Variants in SLC24A3 observed in about 807,000 individuals in gnomAD.
SLC24A3 encodes solute carrier family 24 member 3, also known as sodium/potassium/calcium exchanger 3.
A neutral mutation model predicts 75.8 loss-of-function variants in SLC24A3; 28 were observed. The ratio of observed to expected loss-of-function variants is 0.37; its 90% CI spans 0.27 to 0.51. The LOEUF (loss-of-function observed/expected upper bound fraction) is 0.51. Ranked by LOEUF, SLC24A3 falls within the 20% of genes least tolerant of loss-of-function variation. SLC24A3 has a pLI of 0.94. For synonymous variants in SLC24A3, 372 were observed against 334.1 expected (o/e 1.11, Z -1.24); for missense variants, 663 against 847.8 (o/e 0.78, Z 2.71).
chr20:19,533,407 A>C (rs1242384476), intron 3 of SLC24A3, among the ~76,000 whole-genome samples: 1 of 152,210 alleles, frequency 6.6e-6, no homozygotes, highest in African/African-American at 2.4e-5. Context: ...GCCCAGATGT[A>C]AGAGGAGTTG....
intron 6 of SLC24A3, among the ~76,000 whole-genome samples, chr20:19,640,530 AG>A (rs2032064435): frequency 6.6e-6 from 1 of 152,184 alleles, no homozygotes; most frequent in African/African-American, 2.4e-5. Context: ...AGGGCAGATC[AG>A]TTGAGGTCAG....
intron 3 of SLC24A3, among the ~76,000 whole-genome samples, chr20:19,525,979 C>T (rs1448190802): frequency 6.6e-6 from 1 of 152,084 alleles, no homozygotes; most frequent in Non-Finnish European, 1.5e-5. Context: ...TGAACGAACT[C>T]GGAGGTAGGG....
chr20:19,493,918 A>C (rs1432756633), intron 2 of SLC24A3, among the ~76,000 whole-genome samples: 1 of 152,152 alleles, frequency 6.6e-6, no homozygotes, highest in Admixed American at 6.5e-5. Flanking sequence ...TTGGAGGGAA[A>C]TGCTCTCTCT....
At chr20:19,367,643 T>C (rs1192877567) in intron 2 of SLC24A3, among the ~76,000 whole-genome samples, 1 of 152,164 alleles carries the variant, frequency 6.6e-6, no homozygotes, top group Non-Finnish European at 1.5e-5. Context: ...CTGTTTACCG[T>C]CTACTAAGCC....
chr20:19,610,861 G>A (rs2031662316), intron 6 of SLC24A3, among the ~76,000 whole-genome samples: 1 of 152,202 alleles, frequency 6.6e-6, no homozygotes, highest in Non-Finnish European at 1.5e-5. Context: ...GCCATGTGAG[G>A]GCAGAGTGGG....
chr20:19,660,333 G>A (rs892526870), intron 7 of SLC24A3, among the ~76,000 whole-genome samples: 12 of 150,040 alleles, frequency 8.0e-5, no homozygotes, highest in African/African-American at 3.0e-4. Context: ...CCACCACGCT[G>A]TATGCCTTTG....
chr20:19,436,259 G>T (rs1453268569), intron 2 of SLC24A3, among the ~76,000 whole-genome samples: 6 of 152,090 alleles, frequency 3.9e-5, no homozygotes, highest in Non-Finnish European at 7.4e-5. Context: ...TTTTTCAACG[G>T]TTGGGAATAC....
chr20:19,617,186 T>C (rs1291132763), intron 6 of SLC24A3, among the ~76,000 whole-genome samples: 1 of 152,194 alleles, frequency 6.6e-6, no homozygotes, highest in Non-Finnish European at 1.5e-5. Flanking sequence ...GCAGATCCTT[T>C]CAATTCATTT....
At chr20:19,659,857 C>A (rs2032307036) in intron 7 of SLC24A3, among the ~76,000 whole-genome samples, 1 of 152,164 alleles carries the variant, frequency 6.6e-6, no homozygotes, top group Non-Finnish European at 1.5e-5. Flanking sequence ...CCTTCACTTA[C>A]TTTGTGGTCT....
chr20:19,382,500 G>T (rs1986199756), intron 2 of SLC24A3, among the ~76,000 whole-genome samples: 1 of 152,084 alleles, frequency 6.6e-6, no homozygotes, highest in Non-Finnish European at 1.5e-5. Context: ...TGTTATCTTT[G>T]TTCCAGGGGC....
intron 2 of SLC24A3, among the ~76,000 whole-genome samples, chr20:19,398,196 T>G (rs1289059483): frequency 6.6e-6 from 1 of 152,150 alleles, no homozygotes; most frequent in East Asian, 1.9e-4. Context: ...TCTGTAACTT[T>G]TTTCTTCTTC....
chr20:19,705,515 G>T (rs1264640810), intron 15 of SLC24A3, among the ~76,000 whole-genome samples: 1 of 152,176 alleles, frequency 6.6e-6, no homozygotes. Context: ...ATTTTGATCT[G>T]CCCTCTTCTC....
chr20:19,383,571 G>C (rs1019547821), intron 2 of SLC24A3, among the ~76,000 whole-genome samples: 2 of 152,142 alleles, frequency 1.3e-5, no homozygotes, highest in Non-Finnish European at 2.9e-5. Flanking sequence ...AGAGGACTGA[G>C]GAATGTGGGG....
chr20:19,412,942 A>G (rs1193491760), intron 2 of SLC24A3, among the ~76,000 whole-genome samples: 1 of 152,188 alleles, frequency 6.6e-6, no homozygotes, highest in Non-Finnish European at 1.5e-5. Flanking sequence ...TATAAAAGAT[A>G]GTTCAAAGTG....
At chr20:19,511,761 T>G (rs921268650) in intron 2 of SLC24A3, among the ~76,000 whole-genome samples, 1 of 152,188 alleles carries the variant, frequency 6.6e-6, no homozygotes, top group Non-Finnish European at 1.5e-5. Context: ...AAACCATTTT[T>G]CCAATTTTGT....
intron 1 of SLC24A3, among the ~76,000 whole-genome samples, chr20:19,232,941 A>G (rs1355984046): frequency 2.0e-5 from 3 of 152,342 alleles, no homozygotes; most frequent in South Asian, 4.1e-4. Context: ...GGAGCTACCA[A>G]TTTGGAAAAT....
At chr20:19,417,460 C>T (rs1007268) in intron 2 of SLC24A3, among the ~76,000 whole-genome samples, 1 of 151,952 alleles carries the variant, frequency 6.6e-6, no homozygotes, top group Non-Finnish European at 1.5e-5. Flanking sequence ...TGGATGGAAG[C>T]GTGATACCTC....
At chr20:19,303,704 T>A (rs1434129616) in intron 2 of SLC24A3, among the ~76,000 whole-genome samples, 1 of 152,188 alleles carries the variant, frequency 6.6e-6, no homozygotes, top group Non-Finnish European at 1.5e-5. Context: ...AAAATGATCA[T>A]TTTTAGAGGA....
At chr20:19,461,572 G>A (rs1239039426) in intron 2 of SLC24A3, among the ~76,000 whole-genome samples, 5 of 121,478 alleles carry the variant, frequency 4.1e-5, no homozygotes, top group Admixed American at 1.2e-4. Context: ...TTGCTCTGTC[G>A]CCCAGGCTAG....
Sources: gnomAD v4.1 joint callset for allele counts (sites outside exome capture counted in the v4.1 genomes callset) on GRCh38, gnomAD v4.1.1 for gene constraint, MANE v1.5 for transcripts, NCBI Gene and HGNC (gene_info 2026-07-23, HGNC 2026-07-21) for gene names.